The following KLF17 variants were observed in gnomAD, a reference collection of about 807,000 sequenced individuals.
The protein encoded by KLF17 is Krueppel-like factor 17.
In KLF17, 31 loss-of-function variants were observed where a neutral mutation model predicts 34.2. The observed-to-expected ratio is 0.91, with a 90% confidence interval of 0.68 to 1.22. The LOEUF (loss-of-function observed/expected upper bound fraction) is 1.22, where lower values mean the gene tolerates loss of function less well. Ranked by LOEUF, KLF17 falls within the 50% of genes most tolerant of loss-of-function variation. KLF17 has a pLI of 0.00. For missense variants in KLF17, 478 were observed against 505.2 expected (o/e 0.95, Z 0.52); for synonymous variants, 179 against 186.7 (o/e 0.96, Z 0.34).
chr1:44,121,362 G>A (rs1040863569), intron 1 of KLF17, among the ~76,000 whole-genome samples: 4 of 152,086 alleles, frequency 2.6e-5, no homozygotes, highest in Admixed American at 1.3e-4. Context: ...TGATCTACCC[G>A]CCTCAGCCTC....
the KLF17 span, chr1:44,103,856 G>GGTCT: frequency 2.5e-6 from 2 of 788,432 alleles, no homozygotes; most frequent in Admixed American, 1.8e-5. Context: ...TTATCTCGGA[G>GGTCT]GTCTCAGTCT....
rs556051294 is a variant in KLF17 at position 44,129,945 on chromosome 1, C to G, written c.674C>G (p.Ala225Gly). 6.2e-7 allele frequency: 1 copy of G among 1,614,218 alleles called. No individual in the cohort carries two copies. Among genetic ancestry groups the G allele is most frequent in the African/African-American group, 1.3e-5 (1 of 75,064 alleles). The change falls in exon 2 of 4, where the codon GCT becomes GGT. Residue 225 changes from alanine (A) to glycine (G), a missense_variant. Transcript: ENST00000372299. ...GCCCATGACCTTGGGATGCCCCCAG[C>G]TGAGTCCCAGTCATTGCTGGTTTTA... ...QDAHDLGMPP[A>G]ESQSLLVLGS... is the part of the protein sequence containing the mutation.
the KLF17 span, among the ~76,000 whole-genome samples, chr1:44,112,204 A>C: frequency 6.6e-6 from 1 of 152,074 alleles, no homozygotes; most frequent in African/African-American, 2.4e-5. Context: ...CAATACTTGT[A>C]CCTCTGTCCT....
At chr1:44,083,698 G>T in the KLF17 span, among the ~76,000 whole-genome samples, 1 of 151,572 alleles carries the variant, frequency 6.6e-6, no homozygotes, top group African/African-American at 2.4e-5. Context: ...GGAGGCTGAG[G>T]CAGGAGAATC....
At chr1:44,127,584 G>A (rs2088025094) in intron 1 of KLF17, among the ~76,000 whole-genome samples, 3 of 142,420 alleles carry the variant, frequency 2.1e-5, no homozygotes, top group East Asian at 4.2e-4. Context: ...TGATCCACCC[G>A]CCTCGGTGGA....
the KLF17 span, among the ~76,000 whole-genome samples, chr1:44,097,939 C>A: frequency 6.6e-6 from 1 of 152,070 alleles, no homozygotes; most frequent in Non-Finnish European, 1.5e-5. Flanking sequence ...ATATGTTGAA[C>A]CATCCTTGCA....
At chr1:44,092,132 C>T in the KLF17 span, among the ~76,000 whole-genome samples, 3 of 151,612 alleles carry the variant, frequency 2.0e-5, no homozygotes, top group East Asian at 1.9e-4. Context: ...CACCTGAGGT[C>T]GGGGGTTCGA....
the KLF17 span, among the ~76,000 whole-genome samples, chr1:44,068,329 C>T: frequency 0.12 from 18,591 of 152,162 alleles, 1,287 homozygotes; most frequent in African/African-American, 0.18. Flanking sequence ...CTTTCATCAG[C>T]GTCTCATTCC....
chr1:44,099,890 AAAG>A, the KLF17 span, among the ~76,000 whole-genome samples: 2 of 67,386 alleles, frequency 3.0e-5, no homozygotes, highest in South Asian at 5.7e-4. Flanking sequence ...AGAAAGAAAG[AAAG>A]AAAGAAAGAA....
chr1:44,111,460 CTTG>C, the KLF17 span, among the ~76,000 whole-genome samples: 2 of 71,072 alleles, frequency 2.8e-5, no homozygotes, highest in African/African-American at 5.0e-5. Flanking sequence ...TCCTTTGCAA[CTTG>C]TTTTTTTTTT....
the KLF17 span, among the ~76,000 whole-genome samples, chr1:44,077,920 G>A: frequency 6.6e-6 from 1 of 152,214 alleles, no homozygotes; most frequent in Non-Finnish European, 1.5e-5. Flanking sequence ...ACAGAAGTAC[G>A]TGGAATTGGA....
At chr1:44,077,270 A>T in the KLF17 span, among the ~76,000 whole-genome samples, 4 of 152,032 alleles carry the variant, frequency 2.6e-5, no homozygotes, top group East Asian at 7.8e-4. Context: ...GCTTGAACCT[A>T]AGAGGCGGAG....
At chr1:44,127,694 T>C (rs201237785) in intron 1 of KLF17, among the ~76,000 whole-genome samples, 2,298 of 55,404 alleles carry the variant, frequency 0.041, 69 homozygotes, top group African/African-American at 0.076. Context: ...TTCTTTCTTT[T>C]TCTTTCTTTC....
chr1:44,122,107 AT>A, intron 1 of KLF17: 4 of 1,224,130 alleles, frequency 3.3e-6, no homozygotes, highest in South Asian at 1.2e-5. Context: ...TGTACAAAAA[AT>A]ATCCCAAATC....
chr1:44,053,962 T>C, the KLF17 span, among the ~76,000 whole-genome samples: 1 of 152,232 alleles, frequency 6.6e-6, no homozygotes, highest in Non-Finnish European at 1.5e-5. Flanking sequence ...ATTGGATTAC[T>C]AGACAGGTTC....
the KLF17 span, chr1:44,052,257 G>A: frequency 6.6e-6 from 1 of 152,222 alleles, no homozygotes; most frequent in African/African-American, 2.4e-5. Context: ...GAAGTTAGAA[G>A]TTATTATTTT....
chr1:44,066,690 G>A, the KLF17 span, among the ~76,000 whole-genome samples: 1 of 152,130 alleles, frequency 6.6e-6, no homozygotes, highest in Non-Finnish European at 1.5e-5. Context: ...AGAAATTCTT[G>A]CACAGGTACA....
the KLF17 span, among the ~76,000 whole-genome samples, chr1:44,113,148 C>T: frequency 6.6e-6 from 1 of 152,166 alleles, no homozygotes; most frequent in Non-Finnish European, 1.5e-5. Flanking sequence ...TGCCTGTAAT[C>T]CCAGCATTTT....
At chr1:44,103,606 C>T in the KLF17 span, 215 of 1,605,494 alleles carry the variant, frequency 1.3e-4, no homozygotes, top group Non-Finnish European at 1.8e-4. Flanking sequence ...CTGTAGGTGG[C>T]GATCTCGATC....
Sources: gnomAD v4.1 joint callset for allele counts (sites outside exome capture counted in the v4.1 genomes callset) on GRCh38, gnomAD v4.1.1 for gene constraint, MANE v1.5 for transcripts, NCBI Gene and HGNC (gene_info 2026-07-23, HGNC 2026-07-21) for gene names.